The following SMIM10L3 variants were observed in gnomAD, a reference collection of about 807,000 sequenced individuals.
SMIM10L3 encodes small integral membrane protein 10 like 3, also known as salivary gland specific protein SAGSIN1.
chr7:6,335,939 A>C, the SMIM10L3 span, among the ~76,000 whole-genome samples: 3 of 152,052 alleles, frequency 2.0e-5, no homozygotes, highest in African/African-American at 7.2e-5. Context: ...CTGGGAGGCC[A>C]AGACGGATGG....
At chr7:6,337,445 C>T in the SMIM10L3 span, among the ~76,000 whole-genome samples, 32 of 151,666 alleles carry the variant, frequency 2.1e-4, 1 homozygote, top group Admixed American at 2.1e-3. Flanking sequence ...TCAAGAAAAA[C>T]AGGTCATATA....
At chr7:6,343,437 T>C in the SMIM10L3 span, among the ~76,000 whole-genome samples, 1 of 104,302 alleles carries the variant, frequency 9.6e-6, no homozygotes, top group African/African-American at 3.6e-5. Context: ...TATATATATA[T>C]ATATATATGA....
At chr7:6,344,082 A>G in the SMIM10L3 span, among the ~76,000 whole-genome samples, 7 of 151,064 alleles carry the variant, frequency 4.6e-5, no homozygotes, top group African/African-American at 1.7e-4. Context: ...ATGGTGTCTC[A>G]CTATGTTGCC....
the SMIM10L3 span, among the ~76,000 whole-genome samples, chr7:6,335,999 C>G: frequency 6.6e-6 from 1 of 151,940 alleles, no homozygotes; most frequent in African/African-American, 2.4e-5. Context: ...ACGGTGAAAC[C>G]CCGTCTCTAC....
the SMIM10L3 span, chr7:6,330,807 C>G: frequency 6.2e-7 from 1 of 1,614,180 alleles, no homozygotes; most frequent in South Asian, 1.1e-5. Flanking sequence ...TGCAGGACAC[C>G]CGAGCAAAAC....
the SMIM10L3 span, among the ~76,000 whole-genome samples, chr7:6,340,823 C>T: frequency 2.1e-5 from 3 of 143,224 alleles, no homozygotes; most frequent in South Asian, 2.2e-4. Flanking sequence ...GGCGTGAACC[C>T]GGGAGGCGGA....
the SMIM10L3 span, among the ~76,000 whole-genome samples, chr7:6,331,804 G>A: frequency 4.8e-5 from 7 of 145,858 alleles, no homozygotes; most frequent in Non-Finnish European, 7.4e-5. Flanking sequence ...GCAATGGCAC[G>A]ATCTCGGCTC....
the SMIM10L3 span, chr7:6,348,463 T>C: frequency 7.4e-6 from 3 of 403,276 alleles, no homozygotes; most frequent in Non-Finnish European, 1.3e-5. Flanking sequence ...TGCACGGTGC[T>C]TGACATACAC....
the SMIM10L3 span, among the ~76,000 whole-genome samples, chr7:6,333,691 G>A: frequency 6.6e-6 from 1 of 151,190 alleles, no homozygotes; most frequent in Non-Finnish European, 1.5e-5. Flanking sequence ...AGCAGGAACA[G>A]AAGTTTATTA....
chr7:6,334,103 C>T, the SMIM10L3 span, among the ~76,000 whole-genome samples: 20 of 151,380 alleles, frequency 1.3e-4, no homozygotes, highest in Non-Finnish European at 2.2e-4. Flanking sequence ...ACCTTGGCCT[C>T]CCAAAGTGCT....
chr7:6,332,507 G>A, the SMIM10L3 span, among the ~76,000 whole-genome samples: 300 of 152,200 alleles, frequency 2.0e-3, 1 homozygote, highest in African/African-American at 6.7e-3. Flanking sequence ...GACACATGAT[G>A]TGTTCACTTA....
chr7:6,340,286 G>A, the SMIM10L3 span, among the ~76,000 whole-genome samples: 3 of 152,114 alleles, frequency 2.0e-5, no homozygotes, highest in Non-Finnish European at 4.4e-5. Flanking sequence ...AGCTGCTGTC[G>A]ATCAGAATCA....
chr7:6,342,232 CTCTCTT>C, the SMIM10L3 span, among the ~76,000 whole-genome samples: 2 of 151,900 alleles, frequency 1.3e-5, no homozygotes, highest in African/African-American at 2.4e-5. Flanking sequence ...CTTTCTCTCT[CTCTCTT>C]TCTGTCTTAT....
chr7:6,345,371 TC>T, the SMIM10L3 span, among the ~76,000 whole-genome samples: 1 of 151,970 alleles, frequency 6.6e-6, no homozygotes, highest in Non-Finnish European at 1.5e-5. Flanking sequence ...CACCTCAGTC[TC>T]CCAAAGTGCT....
the SMIM10L3 span, among the ~76,000 whole-genome samples, chr7:6,332,396 C>T: frequency 2.0e-5 from 3 of 152,142 alleles, no homozygotes; most frequent in Non-Finnish European, 4.4e-5. Flanking sequence ...AGCTTTGCAT[C>T]TATCTGTAAA....
chr7:6,347,200 G>A, the SMIM10L3 span, among the ~76,000 whole-genome samples: 1 of 152,102 alleles, frequency 6.6e-6, no homozygotes, highest in Non-Finnish European at 1.5e-5. Flanking sequence ...AAAGGCAACT[G>A]GAATTCAAGG....
At chr7:6,342,200 TTTTC>T in the SMIM10L3 span, among the ~76,000 whole-genome samples, 14 of 152,192 alleles carry the variant, frequency 9.2e-5, no homozygotes, top group Non-Finnish European at 1.9e-4. Context: ...TTTTCTTTCT[TTTTC>T]TTTGTTTCTT....
the SMIM10L3 span, among the ~76,000 whole-genome samples, chr7:6,342,726 A>T: frequency 3.9e-5 from 6 of 152,246 alleles, no homozygotes; most frequent in African/African-American, 1.4e-4. Context: ...ATAGAAAGAC[A>T]TAAAAGACAA....
At chr7:6,348,684 G>T in the SMIM10L3 span, 1 of 483,554 alleles carries the variant, frequency 2.1e-6, no homozygotes, top group South Asian at 3.5e-5. Context: ...TCAGCCCCTT[G>T]CAGAAGACCC....
Sources: gnomAD v4.1 joint callset for allele counts (sites outside exome capture counted in the v4.1 genomes callset) on GRCh38, gnomAD v4.1.1 for gene constraint, MANE v1.5 for transcripts, NCBI Gene and HGNC (gene_info 2026-07-23, HGNC 2026-07-21) for gene names.